ADGRB3: variants seen among roughly 807,000 people sequenced by gnomAD.
ADGRB3 encodes the protein adhesion G protein-coupled receptor B3.
In ADGRB3, 37 loss-of-function variants were observed where a neutral mutation model predicts 193.4. The observed-to-expected ratio is 0.19, with a 90% CI of 0.15 to 0.25. The LOEUF (loss-of-function observed/expected upper bound fraction) is 0.25. Ranked by LOEUF, ADGRB3 falls within the 10% of genes least tolerant of loss-of-function variation. The probability of loss-of-function intolerance (pLI) is 1.00; values close to 1 mark genes in which losing one functional copy is unlikely to be tolerated. For missense variants in ADGRB3, 1,637 were observed against 1,852.9 expected (o/e 0.88, Z 2.14); for synonymous variants, 690 against 644.2 (o/e 1.07, Z -1.08).
rs559380114 is a variant in ADGRB3, at chr6:69,296,255, C to T, written c.2815-28617C>T. Among the ~76,000 whole-genome samples, 4 of 152,214 alleles carry T rather than the reference C, an allele frequency of 2.6e-5. No homozygotes were observed. In the East Asian group the frequency reaches 7.7e-4, roughly 29 times the overall value. ...ATTGACAGAATTGCAGTATGAATTT[C>T]AAGGAGTTAAATAGACCCATGAAGG... On this transcript the variant is annotated intron_variant, in intron 20 of 31. Coordinates refer to ENST00000370598, the MANE Select transcript of ADGRB3 (RefSeq NM_001704.3).
At chr6:68,925,039 T>C (rs1767142252) in intron 3 of ADGRB3, among the ~76,000 whole-genome samples, 1 of 151,942 alleles carries the variant, frequency 6.6e-6, no homozygotes, top group Non-Finnish European at 1.5e-5. Context: ...TAGTAAAATA[T>C]CCGTTTAAAA....
At chr6:68,727,445 T>C (rs1439764369) in intron 3 of ADGRB3, among the ~76,000 whole-genome samples, 1 of 151,626 alleles carries the variant, frequency 6.6e-6, no homozygotes, top group Non-Finnish European at 1.5e-5. Context: ...CAAAATGTGA[T>C]CAATAATAGC....
intron 19 of ADGRB3, among the ~76,000 whole-genome samples, chr6:69,238,095 G>A (rs564073480): frequency 6.6e-6 from 1 of 151,926 alleles, no homozygotes. Context: ...CAAAGACAGG[G>A]AGAGAGAGAG....
chr6:68,977,959 C>T (rs1438699794), intron 10 of ADGRB3, among the ~76,000 whole-genome samples: 1 of 151,558 alleles, frequency 6.6e-6, no homozygotes, highest in East Asian at 1.9e-4. Flanking sequence ...ATGAAATCAT[C>T]TGTCTTATAC....
intron 3 of ADGRB3, among the ~76,000 whole-genome samples, chr6:68,774,895 A>G (rs565359819): frequency 6.6e-6 from 1 of 152,118 alleles, no homozygotes; most frequent in Non-Finnish European, 1.5e-5. Context: ...TATTTCAGCC[A>G]CTATGCAGAA....
chr6:69,098,535 A>G (rs1463474506), intron 17 of ADGRB3, among the ~76,000 whole-genome samples: 1 of 152,076 alleles, frequency 6.6e-6, no homozygotes, highest in African/African-American at 2.4e-5. Flanking sequence ...ACCTCATGAA[A>G]CTTACAATTA....
chr6:68,654,888 C>T (rs572160196), intron 3 of ADGRB3, among the ~76,000 whole-genome samples: 3 of 151,720 alleles, frequency 2.0e-5, no homozygotes, highest in East Asian at 1.9e-4. Context: ...CAGTATTCTA[C>T]GAATCTTTCT....
At chr6:68,817,307 GTATATA>G (rs60723627) in intron 3 of ADGRB3, among the ~76,000 whole-genome samples, 1,009 of 43,512 alleles carry the variant, frequency 0.023, 10 homozygotes, top group East Asian at 0.047. Flanking sequence ...TTTTGTCCAT[GTATATA>G]TATATATATA....
At chr6:69,245,269 A>G (rs542000012) in intron 20 of ADGRB3, among the ~76,000 whole-genome samples, 1 of 152,212 alleles carries the variant, frequency 6.6e-6, no homozygotes, top group South Asian at 2.1e-4. Context: ...ACGTGATGGA[A>G]CAAAAATTCA....
chr6:69,295,884 A>G (rs986394959), intron 20 of ADGRB3, among the ~76,000 whole-genome samples: 2 of 152,182 alleles, frequency 1.3e-5, no homozygotes, highest in Non-Finnish European at 1.5e-5. Context: ...GTTGTCTTCC[A>G]AATGTTGACA....
intron 3 of ADGRB3, among the ~76,000 whole-genome samples, chr6:68,835,563 C>A (rs1275907708): frequency 6.6e-6 from 1 of 152,026 alleles, no homozygotes; most frequent in African/African-American, 2.4e-5. Flanking sequence ...TTCCTATTAT[C>A]TTTTTTTCCT....
intron 20 of ADGRB3, among the ~76,000 whole-genome samples, chr6:69,283,700 C>T (rs1183635760): frequency 6.6e-6 from 1 of 151,820 alleles, no homozygotes; most frequent in East Asian, 1.9e-4. Flanking sequence ...AAAATTGGTT[C>T]ACTTTGGTTC....
chr6:69,173,102 A>T (rs1775330181), intron 17 of ADGRB3, among the ~76,000 whole-genome samples: 1 of 152,178 alleles, frequency 6.6e-6, no homozygotes, highest in East Asian at 1.9e-4. Context: ...CAGTGGTGTG[A>T]TGTCGGCTCA....
At chr6:69,176,486 C>G (rs1775431092) in intron 17 of ADGRB3, among the ~76,000 whole-genome samples, 1 of 152,108 alleles carries the variant, frequency 6.6e-6, no homozygotes, top group African/African-American at 2.4e-5. Context: ...GGAATGAAGC[C>G]TACTTGATCA....
At chr6:68,805,843 A>G (rs1197746288) in intron 3 of ADGRB3, among the ~76,000 whole-genome samples, 1 of 152,234 alleles carries the variant, frequency 6.6e-6, no homozygotes, top group Non-Finnish European at 1.5e-5. Context: ...TAGGATTATA[A>G]GGGTGTTTGC....
intron 30 of ADGRB3, among the ~76,000 whole-genome samples, chr6:69,376,576 G>T (rs566675334): frequency 9.2e-5 from 14 of 152,052 alleles, no homozygotes; most frequent in African/African-American, 3.1e-4. Context: ...GTTTTTACAA[G>T]GAGATTTGGG....
rs574130258 is a variant in ADGRB3, at chr6:68,678,264, T to C, written c.757+38832T>C. On this transcript the variant is annotated intron_variant, in intron 3 of 31. Coordinates refer to ENST00000370598, the MANE Select transcript of ADGRB3 (RefSeq NM_001704.3). ...GCCAGCGTTTCCATAAGACAACATA[T>C]GCAGCCTTATCCATCAGTATTAATG... 3.9e-5 allele frequency among the ~76,000 whole-genome samples: 6 copies of C among 152,294 alleles called. No homozygotes were observed. The South Asian group carries it at 1.2e-3, about 32-fold the overall frequency.
chr6:68,646,485 AAAAAAAAAG>A (rs1768218676), intron 3 of ADGRB3, among the ~76,000 whole-genome samples: 1 of 151,568 alleles, frequency 6.6e-6, no homozygotes. Flanking sequence ...CAAAAAAAAA[AAAAAAAAAG>A]AAAAAAGAAA....
chr6:68,920,567 G>A (rs1371966242), intron 3 of ADGRB3, among the ~76,000 whole-genome samples: 1 of 146,312 alleles, frequency 6.8e-6, no homozygotes, highest in Non-Finnish European at 1.5e-5. Flanking sequence ...TATAGAAGTC[G>A]TTCTCTTATA....
Sources: gnomAD v4.1 joint callset for allele counts (sites outside exome capture counted in the v4.1 genomes callset) on GRCh38, gnomAD v4.1.1 for gene constraint, MANE v1.5 for transcripts, NCBI Gene and HGNC (gene_info 2026-07-23, HGNC 2026-07-21) for gene names.